The following LRMDA variants were observed in gnomAD, a reference collection of about 807,000 sequenced individuals.
The protein encoded by LRMDA is leucine rich melanocyte differentiation associated.
A neutral mutation model predicts 29.8 loss-of-function variants in LRMDA; 18 were observed. That is an observed-to-expected ratio of 0.60 (90% confidence interval 0.42 to 0.90). The LOEUF (loss-of-function observed/expected upper bound fraction) is 0.90. Among genes scored for constraint, LRMDA ranks in the 40% least tolerant of loss-of-function variants. The pLI, the probability that LRMDA is intolerant of heterozygous loss-of-function variation, is 0.00. For missense variants in LRMDA, 273 were observed against 273.9 expected, an observed-to-expected ratio of 1.00 and a Z score of 0.02; for synonymous variants, 125 against 109.4, an observed-to-expected ratio of 1.14 and a Z score of -0.89.
chr10:76,163,187 A>C (rs980975325), intron 5 of LRMDA, among the ~76,000 whole-genome samples: 1 of 152,170 alleles, frequency 6.6e-6, no homozygotes, highest in East Asian at 1.9e-4. Context: ...TGTGTGACCC[A>C]CTTGGGGTTT....
At chr10:76,166,154 T>C (rs1850735736) in intron 5 of LRMDA, among the ~76,000 whole-genome samples, 1 of 152,160 alleles carries the variant, frequency 6.6e-6, no homozygotes, top group African/African-American at 2.4e-5. Context: ...TATCCTAACT[T>C]CCACACATAT....
intron 5 of LRMDA, among the ~76,000 whole-genome samples, chr10:76,059,303 A>G (rs578002559): frequency 3.9e-5 from 6 of 152,320 alleles, no homozygotes; most frequent in African/African-American, 1.4e-4. Context: ...TGCCCCCCAC[A>G]TGTATCTCTC....
chr10:76,114,785 G>A (rs1036067143), intron 5 of LRMDA, among the ~76,000 whole-genome samples: 3 of 152,076 alleles, frequency 2.0e-5, no homozygotes, highest in Non-Finnish European at 2.9e-5. Context: ...TCCCATAATC[G>A]TAAGGCGCTG....
At chr10:75,997,314 C>T (rs1261643255) in intron 2 of LRMDA, among the ~76,000 whole-genome samples, 1 of 151,970 alleles carries the variant, frequency 6.6e-6, no homozygotes, top group African/African-American at 2.4e-5. Context: ...AAACATTTAC[C>T]CATGTTATAA....
intron 2 of LRMDA, among the ~76,000 whole-genome samples, chr10:75,967,833 C>T (rs1846892639): frequency 6.6e-6 from 1 of 151,988 alleles, no homozygotes. Flanking sequence ...CCTGGGAGGC[C>T]CACGAGTTAA....
chr10:76,271,834 C>T lies in LRMDA; in HGVS notation c.517-52567C>T, dbSNP rs113412651. Among the ~76,000 whole-genome samples the T allele has an allele frequency of 1.5e-4, 23 of 152,314 alleles. 1 individual carries two copies. Among genetic ancestry groups the T allele is most frequent in the African/African-American group, 4.3e-4 (18 of 41,560 alleles). On this transcript the variant is annotated intron_variant, in intron 5 of 6. Transcript: ENST00000611255. Reference sequence around the variant, plus strand: ...TCCAAAAATCTGAATTACTTCCCCTCGCCTTCTTGTGAATTAATTCCATAT... The same window carrying T: ...TCCAAAAATCTGAATTACTTCCCCTTGCCTTCTTGTGAATTAATTCCATAT...
chr10:75,471,964 G>A (rs1844732431), intron 2 of LRMDA, among the ~76,000 whole-genome samples: 1 of 152,072 alleles, frequency 6.6e-6, no homozygotes, highest in South Asian at 2.1e-4. Context: ...ATACTTCTTT[G>A]CTGGGCCCTT....
rs191545413 is a variant in LRMDA, at chr10:76,484,962, A to G, written c.602-72247A>G. 3.9e-4 allele frequency among the ~76,000 whole-genome samples: 59 copies of G among 151,932 alleles called. No individual in the cohort carries two copies. In the Middle Eastern group the frequency reaches 0.01, roughly 26 times the overall value. The stretch of plus-strand genomic sequence containing the variant: ...TTTGTCTGAAATTAAGGTATCTAGT[A>G]CAGCTTTCTTTCGTTAGTATTAGTG... On this transcript the variant is annotated intron_variant, in intron 6 of 6. Transcript: ENST00000611255.
intron 2 of LRMDA, among the ~76,000 whole-genome samples, chr10:75,755,536 C>T (rs944719115): frequency 5.9e-5 from 9 of 152,208 alleles, no homozygotes; most frequent in Non-Finnish European, 1.3e-4. Flanking sequence ...GTGATGAGTG[C>T]TATACCAAGA....
chr10:76,418,651 A>G (rs1441893245), intron 6 of LRMDA, among the ~76,000 whole-genome samples: 1 of 151,894 alleles, frequency 6.6e-6, no homozygotes, highest in African/African-American at 2.4e-5. Flanking sequence ...CTCTAGTACA[A>G]TATTGAACAT....
At chr10:76,371,349 A>T (rs1233102645) in intron 6 of LRMDA, among the ~76,000 whole-genome samples, 1 of 152,192 alleles carries the variant, frequency 6.6e-6, no homozygotes, top group Non-Finnish European at 1.5e-5. Context: ...GATACTTTAT[A>T]GAAAGCCATT....
intron 1 of LRMDA, among the ~76,000 whole-genome samples, chr10:75,433,423 C>A (rs1394844640): frequency 1.3e-5 from 2 of 152,108 alleles, no homozygotes; most frequent in African/African-American, 2.4e-5. Context: ...TTTATTAGAC[C>A]GAGTTGCCTG....
chr10:76,528,933 C>T (rs1042127600), intron 6 of LRMDA, among the ~76,000 whole-genome samples: 1 of 152,132 alleles, frequency 6.6e-6, no homozygotes, highest in African/African-American at 2.4e-5. Context: ...CACTGCTATG[C>T]TCAACAGCAT....
intron 2 of LRMDA, among the ~76,000 whole-genome samples, chr10:75,487,914 T>A (rs1844934796): frequency 6.6e-6 from 1 of 152,228 alleles, no homozygotes; most frequent in Non-Finnish European, 1.5e-5. Context: ...TTTGAGCTAC[T>A]TCTGCTATTT....
At chr10:76,138,281 A>G (rs1850134102) in intron 5 of LRMDA, among the ~76,000 whole-genome samples, 1 of 152,136 alleles carries the variant, frequency 6.6e-6, no homozygotes. Context: ...GACAGCTGCC[A>G]TATGCCTTTG....
chr10:75,635,747 C>T (rs1195851118), intron 2 of LRMDA, among the ~76,000 whole-genome samples: 1 of 151,934 alleles, frequency 6.6e-6, no homozygotes, highest in South Asian at 2.1e-4. Context: ...TGCAGAGGCT[C>T]CTACCCCTGC....
At chr10:76,141,330 A>T (rs1185208026) in intron 5 of LRMDA, among the ~76,000 whole-genome samples, 2 of 152,064 alleles carry the variant, frequency 1.3e-5, no homozygotes, top group African/African-American at 4.8e-5. Context: ...GCAGCAATGG[A>T]TTACTAAAAG....
At chr10:75,710,761 G>C (rs1447864787) in intron 2 of LRMDA, among the ~76,000 whole-genome samples, 2 of 152,244 alleles carry the variant, frequency 1.3e-5, no homozygotes, top group Non-Finnish European at 2.9e-5. Context: ...GGGAGGTCTT[G>C]CATGCTCCCA....
intron 6 of LRMDA, among the ~76,000 whole-genome samples, chr10:76,412,796 C>T (rs1040018533): frequency 6.6e-6 from 1 of 152,058 alleles, no homozygotes; most frequent in Non-Finnish European, 1.5e-5. Flanking sequence ...CTGCAATCTT[C>T]CTCCTTTCCC....
Sources: gnomAD v4.1 joint callset for allele counts (sites outside exome capture counted in the v4.1 genomes callset) on GRCh38, gnomAD v4.1.1 for gene constraint, MANE v1.5 for transcripts, NCBI Gene and HGNC (gene_info 2026-07-23, HGNC 2026-07-21) for gene names.